The following SEMA4B variants were observed in gnomAD, a reference collection of about 807,000 sequenced individuals.
SEMA4B encodes the protein semaphorin 4B.
In SEMA4B, 55 loss-of-function variants were observed where a neutral mutation model predicts 88.1. The observed-to-expected ratio is 0.62, with a 90% CI of 0.50 to 0.78. SEMA4B has a LOEUF of 0.78. SEMA4B is among the 30% of genes least tolerant of loss of function. The pLI, the probability that SEMA4B is intolerant of heterozygous loss-of-function variation, is 0.00. For synonymous variants in SEMA4B, 525 were observed against 473.6 expected, an observed-to-expected ratio of 1.11 and a Z score of -1.41; for missense variants, 1,062 against 1,111.9, an observed-to-expected ratio of 0.96 and a Z score of 0.64.
chr15:90,211,270 G>C (rs1164604013), intron 1 of SEMA4B, among the ~76,000 whole-genome samples: 1 of 152,226 alleles, frequency 6.6e-6, no homozygotes, highest in Non-Finnish European at 1.5e-5. Context: ...GACTGGGACT[G>C]CCTGGGGGTT....
rs549260260 is a variant in SEMA4B, at chr15:90,195,240, C to T, written c.-121-6218C>T. Among the ~76,000 whole-genome samples the T allele has an allele frequency of 1.1e-3, 166 of 151,926 alleles. 1 individual carries two copies. The highest frequency in any genetic ancestry group is 3.9e-3 in the African/African-American group (162 of 41,444). On this transcript the variant is annotated intron_variant, in intron 1 of 14. Coordinates refer to the SEMA4B transcript ENST00000332496. ...TTTCAAGTAGCTGGGACTACAGGTG[C>T]GCACCACCATGCCTGAGTAATTTTG...
chr15:90,222,419 AG>A (rs577512956), intron 7 of SEMA4B, among the ~76,000 whole-genome samples: 30 of 151,782 alleles, frequency 2.0e-4, no homozygotes, highest in Non-Finnish European at 3.7e-4. Flanking sequence ...ATAATACAAA[AG>A]TTAGCTGGGC....
At chr15:90,223,232 A>G (rs1171914122) in intron 7 of SEMA4B, among the ~76,000 whole-genome samples, 2 of 152,154 alleles carry the variant, frequency 1.3e-5, no homozygotes, top group East Asian at 3.8e-4. Flanking sequence ...GGCATTAATA[A>G]TATAAGTACC....
chr15:90,213,677 C>T (rs1294684783), intron 1 of SEMA4B, among the ~76,000 whole-genome samples: 2 of 152,238 alleles, frequency 1.3e-5, no homozygotes, highest in African/African-American at 4.8e-5. Flanking sequence ...ATTCCAAGGG[C>T]GGTCTGCTGC....
intron 1 of SEMA4B, chr15:90,215,012 G>A (rs564940488): frequency 1.6e-6 from 2 of 1,259,012 alleles, no homozygotes; most frequent in East Asian, 5.9e-5. Context: ...TGGGCGTGTT[G>A]CACTTTTTGC....
At chr15:90,214,196 T>A (rs550459258) in intron 1 of SEMA4B, among the ~76,000 whole-genome samples, 2 of 151,474 alleles carry the variant, frequency 1.3e-5, no homozygotes, top group Admixed American at 1.3e-4. Flanking sequence ...ATACAAAAAT[T>A]AGCTGGGCAT....
chr15:90,201,468 G>C lies in SEMA4B; in HGVS notation c.-111G>C. The C allele has an allele frequency of 1.5e-6, 2 of 1,305,156 alleles. No homozygotes were observed. Among genetic ancestry groups the C allele is most frequent in the South Asian group, 2.2e-5 (1 of 46,042 alleles). The allele number at this position is 1,305,156 out of a possible 1,614,324, so 80.8% of individuals were successfully genotyped here. A position where few individuals can be genotyped will look rare whatever the true frequency, so the allele number is the denominator to read the frequency against. On this transcript the variant is annotated 5_prime_UTR_variant, in exon 1 of 14. Transcript: ENST00000411539. ...CCTCCCGCCCCCCAGGTCCGGAGGC[G>C]GGGGCCCCCGGGGCGACTCGGGGGC...
At chr15:90,192,768 T>C (rs1960382204) in intron 1 of SEMA4B, among the ~76,000 whole-genome samples, 1 of 151,978 alleles carries the variant, frequency 6.6e-6, no homozygotes, top group African/African-American at 2.4e-5. Flanking sequence ...TTTTTGTACT[T>C]TTAGTAGAGA....
At chr15:90,189,610 C>G (rs1265498900) in intron 1 of SEMA4B, among the ~76,000 whole-genome samples, 2 of 152,056 alleles carry the variant, frequency 1.3e-5, no homozygotes, top group Admixed American at 1.3e-4. Context: ...TATTTCATGT[C>G]AAGGTTATAT....
At chr15:90,223,052 G>A (rs942008283) in intron 7 of SEMA4B, among the ~76,000 whole-genome samples, 6 of 149,010 alleles carry the variant, frequency 4.0e-5, no homozygotes, top group African/African-American at 9.9e-5. Context: ...TGCAACCTCC[G>A]CTGCCCAATC....
intron 1 of SEMA4B, 116 bp from the exon 2 acceptor site, chr15:90,217,323 T>C (rs1961578796): frequency 5.6e-6 from 6 of 1,065,980 alleles, no homozygotes; most frequent in African/African-American, 3.2e-5. Flanking sequence ...CCCTTGCCAT[T>C]GCCACCCTTT....
intron 1 of SEMA4B, among the ~76,000 whole-genome samples, chr15:90,210,029 G>A (rs1214701173): frequency 6.6e-6 from 1 of 152,244 alleles, no homozygotes; most frequent in Non-Finnish European, 1.5e-5. Context: ...TGGTTGGGAG[G>A]CTGCTGTGAT....
chr15:90,185,232 T>TGGGC (rs898267968), intron 1 of SEMA4B, among the ~76,000 whole-genome samples: 2 of 152,208 alleles, frequency 1.3e-5, no homozygotes, highest in African/African-American at 4.8e-5. Flanking sequence ...CACGCTCTGA[T>TGGGC]GGGCACTGGG....
rs1961348985 is a variant in SEMA4B, at chr15:90,212,989, G to T, written c.158-4450G>T. Among the ~76,000 whole-genome samples the T allele has an allele frequency of 6.6e-6, 1 of 152,200 alleles. No homozygotes were observed. Among genetic ancestry groups the T allele is most frequent in the South Asian group, 2.1e-4 (1 of 4,828 alleles). On this transcript the variant is annotated intron_variant, in intron 1 of 13. Transcript: ENST00000411539. This position sits in a 1 kb window ranked among gnomAD's most constrained non-coding sequence, Gnocchi z 4.0. The stretch of plus-strand genomic sequence containing the variant: ...TCTCACCGGGCCGGATTTTCCTGCG[G>T]GGCTTTTGGATTTTGTTTTTGAGTC...
chr15:90,193,383 C>T (rs1432185925), intron 1 of SEMA4B: 1 of 152,334 alleles, frequency 6.6e-6, no homozygotes, highest in Non-Finnish European at 1.5e-5. Context: ...GGCGTGGATT[C>T]GAGGGCTCTT....
Position 90,228,911 on chromosome 15 carries a change from A to G in SEMA4B, c.*268A>G. The G allele has an allele frequency of 1.8e-6, 1 of 562,944 alleles. No homozygotes were observed. Among genetic ancestry groups the G allele is most frequent in the South Asian group, 2.1e-5 (1 of 46,708 alleles). The allele number at this position is 562,944 out of a possible 1,614,324, so 34.9% of individuals were successfully genotyped here. A position where few individuals can be genotyped will look rare whatever the true frequency, so the allele number is the denominator to read the frequency against. On this transcript the variant is annotated 3_prime_UTR_variant, in exon 14 of 14. Coordinates refer to ENST00000411539, the MANE Select transcript of SEMA4B (RefSeq NM_198925.4). ...GGAACAGTGCTCCTTATGTAAACTG[A>G]GCCCTTTGTTTAAAAAACAATTCCA...
At chr15:90,197,411 C>T (rs1021533196), upstream of SEMA4B, among the ~76,000 whole-genome samples, 3 of 151,640 alleles carry the variant, frequency 2.0e-5, no homozygotes, top group Admixed American at 6.6e-5. Flanking sequence ...AAAAAGTAAA[C>T]GAAGATTTAG....
intron 1 of SEMA4B, among the ~76,000 whole-genome samples, chr15:90,214,456 G>T (rs1961431689): frequency 6.6e-6 from 1 of 151,620 alleles, no homozygotes; most frequent in South Asian, 2.1e-4. Flanking sequence ...TGACCAACAT[G>T]GAGAAACCCC....
At chr15:90,213,662 G>A (rs1345405183) in intron 1 of SEMA4B, among the ~76,000 whole-genome samples, 1 of 152,222 alleles carries the variant, frequency 6.6e-6, no homozygotes, top group East Asian at 1.9e-4. Flanking sequence ...TCTTTGTCTG[G>A]ACAGATTCCA....
Sources: gnomAD v4.1 joint callset for allele counts (sites outside exome capture counted in the v4.1 genomes callset) on GRCh38, gnomAD v4.1.1 for gene constraint, Gnocchi (gnomAD v3.1) non-coding constraint, MANE v1.5 for transcripts, NCBI Gene and HGNC (gene_info 2026-07-23, HGNC 2026-07-21) for gene names.